The following TENM2 variants were observed in gnomAD, a reference collection of about 807,000 sequenced individuals.
The protein encoded by TENM2 is teneurin-2.
TENM2 carries 52 observed loss-of-function variants against 245.2 expected under a neutral mutation model. The observed-to-expected ratio is 0.21, with a 90% CI of 0.17 to 0.27. The LOEUF (loss-of-function observed/expected upper bound fraction) is 0.27. Among genes scored for constraint, TENM2 ranks in the 10% least tolerant of loss-of-function variants. The pLI, the probability that TENM2 is intolerant of heterozygous loss-of-function variation, is 1.00. For missense variants in TENM2, 3,046 were observed against 3,666.8 expected, an observed-to-expected ratio of 0.83 and a Z score of 4.37; for synonymous variants, 1,363 against 1,438.9, an observed-to-expected ratio of 0.95 and a Z score of 1.19.
chr5:168,190,124 T>C (rs1581584024), intron 13 of TENM2, among the ~76,000 whole-genome samples: 1 of 152,306 alleles, frequency 6.6e-6, no homozygotes, highest in East Asian at 1.9e-4. Context: ...GGATAACCAT[T>C]TGTCAACATT....
intron 1 of TENM2, among the ~76,000 whole-genome samples, chr5:167,289,720 A>G (rs1238335254): frequency 6.6e-6 from 1 of 152,238 alleles, no homozygotes; most frequent in Non-Finnish European, 1.5e-5. Context: ...AACAGTGTTA[A>G]TGAGCTGAAA....
At chr5:167,592,837 G>GT (rs975832597) in intron 2 of TENM2, among the ~76,000 whole-genome samples, 20 of 151,070 alleles carry the variant, frequency 1.3e-4, no homozygotes, top group African/African-American at 3.4e-4. Flanking sequence ...TTGATTTTTT[G>GT]TTTTTTTTCT....
chr5:167,727,105 T>G (rs893258174), intron 2 of TENM2, among the ~76,000 whole-genome samples: 8 of 82,800 alleles, frequency 9.7e-5, no homozygotes, highest in South Asian at 4.5e-4. Flanking sequence ...CATTAATTTC[T>G]TTTTTTTTTT....
chr5:167,705,981 ATATATATATATTTATT>A (rs1273517615), intron 2 of TENM2, among the ~76,000 whole-genome samples: 1 of 106,604 alleles, frequency 9.4e-6, no homozygotes, highest in African/African-American at 4.4e-5. Flanking sequence ...ATATATATAT[ATATATATATATTTATT>A]TATTTATTTA....
intron 4 of TENM2, among the ~76,000 whole-genome samples, chr5:167,974,544 G>A (rs1782289124): frequency 6.6e-6 from 1 of 152,208 alleles, no homozygotes; most frequent in African/African-American, 2.4e-5. Flanking sequence ...AACAGTAATA[G>A]CCAACATTTA....
At chr5:166,992,200 G>C in the TENM2 span, among the ~76,000 whole-genome samples, 1 of 151,918 alleles carries the variant, frequency 6.6e-6, no homozygotes, top group African/African-American at 2.4e-5. Context: ...CAATTCACAA[G>C]AGAGACCATA....
chr5:167,752,261 ATTT>A (rs575290973), intron 2 of TENM2, among the ~76,000 whole-genome samples: 9 of 123,354 alleles, frequency 7.3e-5, no homozygotes, highest in African/African-American at 1.6e-4. Flanking sequence ...TGCCCAGCTA[ATTT>A]TTTTTTTTTT....
chr5:167,607,884 C>T (rs1033509256), intron 2 of TENM2, among the ~76,000 whole-genome samples: 5 of 152,150 alleles, frequency 3.3e-5, no homozygotes, highest in Admixed American at 6.5e-5. Flanking sequence ...CTAACCCACC[C>T]GCCCCTACAT....
rs778257205 is a variant in TENM2, at chr5:168,062,117, G to A, written c.1367G>A (p.Arg456Gln). ...AGTGGTGAAGCAGAAGTTGGTCGGCGGGTAACACAAGAAGTCCCACCAGGG... is the reference window on the plus strand; with the variant it reads ...AGTGGTGAAGCAGAAGTTGGTCGGCAGGTAACACAAGAAGTCCCACCAGGG... The change falls in exon 7 of 29, where the codon CGG (arginine) becomes CAG (glutamine). Residue 456 changes from arginine to glutamine, a missense_variant. Coordinates refer to ENST00000518659, the Ensembl canonical transcript of TENM2. 1.1e-5 allele frequency: 17 copies of A among 1,613,002 alleles called. No individual in the cohort carries two copies. The highest frequency in any genetic ancestry group is 1.7e-4 in the Middle Eastern group (1 of 5,968).
rs551854582 is a variant in TENM2 at position 167,522,623 on chromosome 5, AT to A, written c.502+147151del. Among the ~76,000 whole-genome samples, 785 of 152,264 alleles carry A rather than the reference AT, an allele frequency of 5.2e-3. 8 individuals are homozygous for A. The highest frequency in any genetic ancestry group is 8.7e-3 in the Non-Finnish European group (592 of 68,002). ...TTATGGAATTTTATAAAGTTATCAT[AT>A]AAAAATAAAAATCTACTTAAAAGGC... On this transcript the variant is annotated intron_variant, in intron 2 of 28. Coordinates refer to ENST00000518659, the Ensembl canonical transcript of TENM2.
At chr5:167,140,443 G>C in the TENM2 span, among the ~76,000 whole-genome samples, 1 of 151,954 alleles carries the variant, frequency 6.6e-6, no homozygotes, top group Non-Finnish European at 1.5e-5. Context: ...TACTCTTACT[G>C]GTTTGTTATT....
chr5:167,386,279 T>G (rs1761427936), intron 2 of TENM2, among the ~76,000 whole-genome samples: 1 of 152,186 alleles, frequency 6.6e-6, no homozygotes, highest in African/African-American at 2.4e-5. Context: ...ATGTTGAGCA[T>G]TTTTTCATAT....
At chr5:168,118,387 A>T (rs752614594) in exon 10 of TENM2, 29 of 1,611,866 alleles carry the variant, frequency 1.8e-5, no homozygotes, top group Non-Finnish European at 2.1e-5. Context: ...CGACGTGCCC[A>T]TGAATCAGTG....
chr5:168,159,932 A>G (rs568921256), intron 12 of TENM2, among the ~76,000 whole-genome samples: 1 of 152,184 alleles, frequency 6.6e-6, no homozygotes, highest in Non-Finnish European at 1.5e-5. Context: ...CTGACACGCT[A>G]GTGTTTTTTG....
At chr5:167,873,820 C>T (rs1773186284) in intron 2 of TENM2, among the ~76,000 whole-genome samples, 1 of 152,146 alleles carries the variant, frequency 6.6e-6, no homozygotes, top group South Asian at 2.1e-4. Flanking sequence ...ATATGAATCC[C>T]AAACAGCCAT....
intron 1 of TENM2, among the ~76,000 whole-genome samples, chr5:167,368,047 C>G (rs183381799): frequency 6.6e-6 from 1 of 152,090 alleles, no homozygotes; most frequent in East Asian, 1.9e-4. Flanking sequence ...ACAAGGGATT[C>G]TCTTTGTTTT....
chr5:167,137,404 C>A, the TENM2 span, among the ~76,000 whole-genome samples: 1 of 152,006 alleles, frequency 6.6e-6, no homozygotes, highest in Non-Finnish European at 1.5e-5. Context: ...AAAGGTGAAA[C>A]CATAAAATAA....
At chr5:167,258,697 G>T in the TENM2 span, among the ~76,000 whole-genome samples, 2 of 152,066 alleles carry the variant, frequency 1.3e-5, no homozygotes, top group East Asian at 3.9e-4. Flanking sequence ...ATAATAACAA[G>T]CAAAGAAGAA....
intron 24 of TENM2, 43 bp from the exon 27 acceptor site, chr5:168,227,852 A>ATAATT (rs1197086571): frequency 1.5e-6 from 2 of 1,294,960 alleles, no homozygotes; most frequent in Non-Finnish European, 2.2e-6. Context: ...AATAGAGCGG[A>ATAATT]TAATTTATTT....
Sources: gnomAD v4.1 joint callset for allele counts (sites outside exome capture counted in the v4.1 genomes callset) on GRCh38, gnomAD v4.1.1 for gene constraint, MANE v1.5 for transcripts, NCBI Gene and HGNC (gene_info 2026-07-23, HGNC 2026-07-21) for gene names.